The following ATP10B variants were observed in gnomAD, a reference collection of about 807,000 sequenced individuals.
ATP10B encodes the protein ATPase phospholipid transporting 10B (putative).
Under a neutral mutation model 141.2 loss-of-function variants are expected in ATP10B, and 122 were observed. The ratio of observed to expected loss-of-function variants is 0.86; its 90% CI spans 0.75 to 1.00. ATP10B has a LOEUF of 1.00. ATP10B is among the 50% of genes least tolerant of loss of function. The probability of loss-of-function intolerance (pLI) is 0.00; values close to 1 mark genes in which losing one functional copy is unlikely to be tolerated. For synonymous variants in ATP10B, 685 were observed against 692.0 expected (o/e 0.99, Z 0.16); for missense variants, 1,876 against 1,825.3 (o/e 1.03, Z -0.51).
At chr5:160,785,280 A>C (rs548325895) in intron 2 of ATP10B, among the ~76,000 whole-genome samples, 3 of 152,234 alleles carry the variant, frequency 2.0e-5, no homozygotes, top group Admixed American at 6.6e-5. Flanking sequence ...AGCACATCTT[A>C]AGTGATATAT....
intron 3 of ATP10B, among the ~76,000 whole-genome samples, chr5:160,697,900 C>A (rs1024599489): frequency 6.6e-6 from 1 of 152,118 alleles, no homozygotes; most frequent in South Asian, 2.1e-4. Flanking sequence ...TCCTAGCTCC[C>A]CAACTCATAA....
chr5:160,727,524 C>A (rs1766442659), intron 2 of ATP10B, among the ~76,000 whole-genome samples: 1 of 152,156 alleles, frequency 6.6e-6, no homozygotes, highest in Non-Finnish European at 1.5e-5. Flanking sequence ...CATCTCTAAG[C>A]CCTTGGAATG....
intron 24 of ATP10B, among the ~76,000 whole-genome samples, chr5:160,582,709 G>A (rs1222531264): frequency 6.6e-6 from 1 of 152,052 alleles, no homozygotes; most frequent in Non-Finnish European, 1.5e-5. Context: ...ATCACTTTCA[G>A]GTACACCAAT....
At chr5:160,811,425 G>T (rs76964936) in intron 1 of ATP10B, among the ~76,000 whole-genome samples, 1 of 152,048 alleles carries the variant, frequency 6.6e-6, no homozygotes, top group African/African-American at 2.4e-5. Flanking sequence ...TTCTGGATCT[G>T]CCCTGGGCTA....
At chr5:160,908,874 C>G in the ATP10B span, among the ~76,000 whole-genome samples, 6 of 152,224 alleles carry the variant, frequency 3.9e-5, no homozygotes, top group South Asian at 1.0e-3. Flanking sequence ...CTCATCAAAT[C>G]TAAGCTTCTG....
intron 21 of ATP10B, among the ~76,000 whole-genome samples, chr5:160,599,321 C>T (rs763527799): frequency 4.6e-5 from 7 of 152,154 alleles, no homozygotes; most frequent in East Asian, 1.9e-4. Flanking sequence ...TTCAACATCA[C>T]ATTTTCTAGG....
chr5:160,581,760 C>T (rs1193991946), intron 24 of ATP10B, among the ~76,000 whole-genome samples: 2 of 152,174 alleles, frequency 1.3e-5, no homozygotes, highest in Non-Finnish European at 2.9e-5. Flanking sequence ...ATTAAAGCCT[C>T]CCATTATTAT....
At chr5:160,844,985 T>C (rs1776031309) in intron 1 of ATP10B, among the ~76,000 whole-genome samples, 2 of 152,066 alleles carry the variant, frequency 1.3e-5, no homozygotes, top group African/African-American at 4.8e-5. Flanking sequence ...CCAAAGCTTC[T>C]TGAATATTGG....
chr5:160,615,127 T>C (rs946321066), intron 17 of ATP10B, among the ~76,000 whole-genome samples: 2 of 152,186 alleles, frequency 1.3e-5, no homozygotes, highest in African/African-American at 4.8e-5. Context: ...GATCTGTCCC[T>C]GCTTTCACCC....
chr5:160,774,534 G>A (rs1487290581), intron 2 of ATP10B, among the ~76,000 whole-genome samples: 1 of 152,172 alleles, frequency 6.6e-6, no homozygotes, highest in Non-Finnish European at 1.5e-5. Flanking sequence ...AGAATTATGT[G>A]CTTTGCCAGA....
Position 160,644,208 on chromosome 5 carries a change from A to G in ATP10B, c.798T>C (p.Cys266=), listed in dbSNP as rs1760101745. 1 of 1,613,664 alleles carries G rather than the reference A, an allele frequency of 6.2e-7. No homozygotes were observed. Among genetic ancestry groups the G allele is most frequent in the Non-Finnish European group, 8.5e-7 (1 of 1,179,744 alleles). The change falls in exon 9 of 26, where the codon TGT becomes TGC. Residue 266 remains cysteine, a synonymous_variant. Transcript: ENST00000327245. ...TGCAGCCTCGAAGCAGAAGACTCTCACAGCCAAAGCCAGTCCTGGTCTGGT... is the reference window on the plus strand; with the variant it reads ...TGCAGCCTCGAAGCAGAAGACTCTCGCAGCCAAAGCCAGTCCTGGTCTGGT... The part of the protein sequence containing the change: ...HPDQTRTGFG[C]ESLLLRGCTI...
At chr5:160,630,478 C>T (rs1418164992) in intron 13 of ATP10B, among the ~76,000 whole-genome samples, 2 of 152,190 alleles carry the variant, frequency 1.3e-5, no homozygotes, top group African/African-American at 4.8e-5. Context: ...TTCTCCCGCT[C>T]ATTTTCTGGG....
the ATP10B span, among the ~76,000 whole-genome samples, chr5:160,872,127 A>T: frequency 2.0e-5 from 3 of 151,980 alleles, no homozygotes; most frequent in African/African-American, 7.3e-5. Context: ...TTTGGTTTGC[A>T]CTTCTCTGGT....
intron 19 of ATP10B, 60 bp downstream of exon 19, chr5:160,606,705 C>A: frequency 6.5e-7 from 1 of 1,543,870 alleles, no homozygotes; most frequent in South Asian, 1.2e-5. Context: ...CACCTCTGGT[C>A]CAGCCTTTCA....
chr5:160,611,231 G>T (rs1436822541), intron 18 of ATP10B, among the ~76,000 whole-genome samples: 1 of 152,168 alleles, frequency 6.6e-6, no homozygotes, highest in African/African-American at 2.4e-5. Flanking sequence ...GAGTATGGCT[G>T]ACTGTTCCTT....
At chr5:160,752,019 T>A (rs892098265) in intron 2 of ATP10B, among the ~76,000 whole-genome samples, 4 of 152,124 alleles carry the variant, frequency 2.6e-5, no homozygotes, top group Non-Finnish European at 2.9e-5. Flanking sequence ...TAAAGACGGC[T>A]GCGGCTGCTC....
chr5:160,719,933 T>A (rs1473587753), intron 2 of ATP10B, among the ~76,000 whole-genome samples: 1 of 152,204 alleles, frequency 6.6e-6, no homozygotes, highest in East Asian at 1.9e-4. Context: ...CAAGAAAAAC[T>A]AACAGAGCTA....
chr5:160,788,611 C>A (rs1005303661), intron 1 of ATP10B, among the ~76,000 whole-genome samples: 2 of 152,128 alleles, frequency 1.3e-5, no homozygotes, highest in Non-Finnish European at 2.9e-5. Context: ...CAACTCCCTG[C>A]CTCTCTTCTC....
At chr5:160,881,092 G>C in the ATP10B span, among the ~76,000 whole-genome samples, 4,536 of 152,174 alleles carry the variant, frequency 0.03, 94 homozygotes, top group Non-Finnish European at 0.047. Context: ...AAATCAACAA[G>C]AAAGCAAGCA....
Sources: gnomAD v4.1 joint callset for allele counts (sites outside exome capture counted in the v4.1 genomes callset) on GRCh38, gnomAD v4.1.1 for gene constraint, MANE v1.5 for transcripts, NCBI Gene and HGNC (gene_info 2026-07-23, HGNC 2026-07-21) for gene names.